ZFP2: variants seen among roughly 807,000 people sequenced by gnomAD.
ZFP2 encodes zinc finger protein ZFP2.
In ZFP2, 33 loss-of-function variants were observed where a neutral mutation model predicts 36.1. That is an observed-to-expected ratio of 0.92 (90% CI 0.69 to 1.22). The LOEUF (loss-of-function observed/expected upper bound fraction) is 1.22, where lower values mean the gene tolerates loss of function less well. Ranked by LOEUF, ZFP2 falls within the 50% of genes most tolerant of loss-of-function variation. The pLI, the probability that ZFP2 is intolerant of heterozygous loss-of-function variation, is 0.00. For synonymous variants in ZFP2, 170 were observed against 178.0 expected, an observed-to-expected ratio of 0.96 and a Z score of 0.36; for missense variants, 522 against 551.4, an observed-to-expected ratio of 0.95 and a Z score of 0.53.
intron 3 of ZFP2, chr5:178,913,846 T>G (rs1758356583): frequency 1.3e-5 from 2 of 150,480 alleles, no homozygotes; most frequent in African/African-American, 4.9e-5. Flanking sequence ...TACCAATCAT[T>G]TCTTTTTTTT....
intron 4 of ZFP2, among the ~76,000 whole-genome samples, chr5:178,924,088 C>A (rs543177924): frequency 1.3e-5 from 2 of 148,936 alleles, no homozygotes; most frequent in Non-Finnish European, 3.0e-5. Flanking sequence ...GGTTAAGAAA[C>A]CTACGCAAGG....
At chr5:178,908,090 G>A (rs767392461) in intron 1 of ZFP2, among the ~76,000 whole-genome samples, 2 of 152,084 alleles carry the variant, frequency 1.3e-5, no homozygotes, top group East Asian at 1.9e-4. Flanking sequence ...GCTCTAAATC[G>A]CCTGGAAATT....
intron 1 of ZFP2, among the ~76,000 whole-genome samples, chr5:178,907,161 A>G (rs1758183506): frequency 6.6e-6 from 1 of 152,048 alleles, no homozygotes; most frequent in African/African-American, 2.4e-5. Flanking sequence ...GAACAAGCTC[A>G]TGTTCTCTTT....
chr5:178,928,234 G>C (rs532592906), intron 4 of ZFP2, among the ~76,000 whole-genome samples: 1 of 151,960 alleles, frequency 6.6e-6, no homozygotes, highest in East Asian at 2.0e-4. Context: ...TTCTGCCCCT[G>C]GCCCCTCCCA....
At chr5:178,931,013 C>T (rs1328430837) in intron 4 of ZFP2, among the ~76,000 whole-genome samples, 1 of 152,186 alleles carries the variant, frequency 6.6e-6, no homozygotes, top group Non-Finnish European at 1.5e-5. Context: ...GTACATCTGC[C>T]ATCCCCTGCT....
At position 178,920,003 on chromosome 5, in the gene ZFP2, G is replaced by A. The variant is rs140686270; in HGVS notation, c.-78+3293G>A. 4.2e-3 allele frequency among the ~76,000 whole-genome samples: 636 copies of A among 152,116 alleles called. 2 individuals are homozygous for A. The highest frequency in any genetic ancestry group is 7.3e-3 in the Non-Finnish European group (494 of 68,008). On this transcript the variant is annotated intron_variant, in intron 4 of 4. Coordinates refer to ENST00000361362, the MANE Select transcript of ZFP2 (RefSeq NM_030613.4). ...AAATTTGATTATGATGCATCTGGGC[G>A]TGGATTTCTTTGGGTTTACCCTGTT...
At chr5:178,909,925 A>G (rs1444259139) in intron 1 of ZFP2, 2 of 1,473,770 alleles carry the variant, frequency 1.4e-6, no homozygotes, top group African/African-American at 2.8e-5. Flanking sequence ...TTGATCCTCA[A>G]GGGGTTCTCT....
intron 1 of ZFP2, chr5:178,909,592 C>A: frequency 9.8e-7 from 1 of 1,021,010 alleles, no homozygotes; most frequent in Non-Finnish European, 1.3e-6. Flanking sequence ...ATCACCCCAA[C>A]AAAGGTGTGA....
At chr5:178,910,097 C>G in intron 1 of ZFP2, 1 of 1,470,322 alleles carries the variant, frequency 6.8e-7, no homozygotes, top group Non-Finnish European at 9.5e-7. Context: ...ATTTATTCTC[C>G]TGTTTGGCTT....
chr5:178,905,713 G>A (rs188149247), intron 1 of ZFP2, among the ~76,000 whole-genome samples: 6 of 151,928 alleles, frequency 3.9e-5, no homozygotes, highest in African/African-American at 9.7e-5. Context: ...GATGACAAAT[G>A]TATATTACTA....
chr5:178,907,626 A>AAT (rs1758194424), intron 1 of ZFP2, among the ~76,000 whole-genome samples: 1 of 151,556 alleles, frequency 6.6e-6, no homozygotes, highest in African/African-American at 2.4e-5. Flanking sequence ...AAAGAGATAA[A>AAT]TAAATAAATA....
At chr5:178,902,421 ATCTGGTG>A (rs1758078758) in intron 1 of ZFP2, among the ~76,000 whole-genome samples, 1 of 152,182 alleles carries the variant, frequency 6.6e-6, no homozygotes, top group African/African-American at 2.4e-5. Context: ...ACTGTCCTTT[ATCTGGTG>A]CAGAATCCAA....
At position 178,919,786 on chromosome 5, in the gene ZFP2, A is replaced by G. The variant is rs956591473; in HGVS notation, c.-78+3076A>G. ...ACTGGCCTGGGCAAAACATGGCGAA[A>G]CCCTTTCTCTGCAAAAAATACAAAA... On this transcript the variant is annotated intron_variant, in intron 4 of 4. Transcript: ENST00000361362. Among the ~76,000 whole-genome samples, 3 of 152,048 alleles carry G rather than the reference A, an allele frequency of 2.0e-5. No individual in the cohort carries two copies. In the East Asian group the frequency reaches 5.8e-4, roughly 30 times the overall value.
intron 1 of ZFP2, among the ~76,000 whole-genome samples, chr5:178,903,971 C>T (rs1220927448): frequency 6.6e-6 from 1 of 150,388 alleles, no homozygotes; most frequent in Non-Finnish European, 1.5e-5. Context: ...AGCCCGGCAA[C>T]AGAGTGAGAC....
intron 3 of ZFP2, among the ~76,000 whole-genome samples, chr5:178,914,241 A>T (rs1414034225): frequency 6.6e-6 from 1 of 152,188 alleles, no homozygotes; most frequent in Non-Finnish European, 1.5e-5. Flanking sequence ...TCTAAGATAA[A>T]ACAATGAAAG....
At chr5:178,920,115 T>C (rs1307727689) in intron 4 of ZFP2, among the ~76,000 whole-genome samples, 7 of 152,214 alleles carry the variant, frequency 4.6e-5, no homozygotes, top group African/African-American at 1.4e-4. Flanking sequence ...TTTCTCCTTC[T>C]CTGGGACTCC....
chr5:178,928,713 A>G (rs1758750314), intron 4 of ZFP2, among the ~76,000 whole-genome samples: 1 of 152,116 alleles, frequency 6.6e-6, no homozygotes, highest in African/African-American at 2.4e-5. Flanking sequence ...GCAGGGTGCA[A>G]ACTGCCAGTG....
In ZFP2 at chr5:178,922,608, G is replaced by A. The variant is rs1329310620; in HGVS notation, c.-78+5898G>A. ...CCTTGACAGGGCAAGAGCATGGCAG[G>A]TATGGCCCATCTCCTGTACGCTTGG... is the stretch of plus-strand genomic sequence containing the variant. On this transcript the variant is annotated intron_variant, in intron 4 of 4. Transcript: ENST00000361362. The A allele has an allele frequency of 3.8e-6, 6 of 1,577,094 alleles. 1 individual carries two copies. The highest frequency in any genetic ancestry group is 5.2e-6 in the Non-Finnish European group (6 of 1,149,570).
rs1380259674 is a variant in ZFP2, at chr5:178,931,918, T to C, written c.605T>C (p.Ile202Thr). 5.6e-6 allele frequency: 9 copies of C among 1,613,720 alleles called. No individual in the cohort carries two copies. The East Asian group carries it at 6.7e-5, about 12-fold the overall frequency. Residue 202 changes from isoleucine to threonine, a missense_variant, in exon 5 of 5, where the codon ATT becomes ACT. Coordinates refer to ENST00000361362, the MANE Select transcript of ZFP2 (RefSeq NM_030613.4). ...GCCTTCCATAAGAATTCATCTCTTATTCAGCATGAAAGGATTCATACTGGA... is the reference window on the plus strand; with the variant it reads ...GCCTTCCATAAGAATTCATCTCTTACTCAGCATGAAAGGATTCATACTGGA... ...GKAFHKNSSLIQHERIHTGEK... is the reference protein window; with the variant it reads ...GKAFHKNSSLTQHERIHTGEK...
Sources: gnomAD v4.1 joint callset for allele counts (sites outside exome capture counted in the v4.1 genomes callset) on GRCh38, gnomAD v4.1.1 for gene constraint, MANE v1.5 for transcripts, NCBI Gene and HGNC (gene_info 2026-07-23, HGNC 2026-07-21) for gene names.